FNBP1L: variants seen among roughly 807,000 people sequenced by gnomAD.
FNBP1L encodes formin binding protein 1 like.
FNBP1L carries 36 observed loss-of-function variants against 91.2 expected under a neutral mutation model. The ratio of observed to expected loss-of-function variants is 0.39; its 90% CI spans 0.30 to 0.52. The LOEUF (loss-of-function observed/expected upper bound fraction) is 0.52, where lower values mean the gene tolerates loss of function less well. FNBP1L is among the 20% of genes least tolerant of loss of function. FNBP1L has a pLI of 0.66. For missense variants in FNBP1L, 571 were observed against 732.1 expected, an observed-to-expected ratio of 0.78 and a Z score of 2.54; for synonymous variants, 242 against 237.0, an observed-to-expected ratio of 1.02 and a Z score of -0.19.
Position 93,551,002 on chromosome 1 carries a change from G to A in FNBP1L, c.1707G>A (p.Glu569=). The A allele has an allele frequency of 6.2e-7, 1 of 1,612,282 alleles. No homozygotes were observed. Among genetic ancestry groups the A allele is most frequent in the African/African-American group, 1.3e-5 (1 of 75,008 alleles). Residue 569 remains glutamate, a synonymous_variant, in exon 16 of 17, where the codon GAG becomes GAA. Coordinates refer to ENST00000271234, the MANE Select transcript of FNBP1L (RefSeq NM_001164473.3). Reference sequence around the variant, plus strand: ...AAGGTGAAGTTCTCTACATTATAGAGGAGGACAAAGGTGACGGATGGACAA... The same window carrying A: ...AAGGTGAAGTTCTCTACATTATAGAAGAGGACAAAGGTGACGGATGGACAA... The part of the protein sequence containing the change: ...MKEGEVLYII[E]EDKGDGWTRA...
chr1:93,534,204 A>G (rs191635879), intron 8 of FNBP1L, among the ~76,000 whole-genome samples: 171 of 152,240 alleles, frequency 1.1e-3, no homozygotes, highest in African/African-American at 3.9e-3. Flanking sequence ...TAATTTATTT[A>G]TCTTTTCCCA....
At chr1:93,455,851 C>T (rs180931540) in intron 1 of FNBP1L, among the ~76,000 whole-genome samples, 28 of 152,334 alleles carry the variant, frequency 1.8e-4, no homozygotes, top group East Asian at 1.9e-4. Flanking sequence ...CTGTGCCTTT[C>T]GGCATTTTCC....
At chr1:93,499,605 T>G (rs531049487) in intron 2 of FNBP1L, 22 bp downstream of exon 2, 1 of 1,389,180 alleles carries the variant, frequency 7.2e-7, no homozygotes, top group Non-Finnish European at 9.9e-7. Flanking sequence ...TTTTTTTCAG[T>G]TTTTAGAATG....
chr1:93,484,971 A>G (rs533957988), intron 1 of FNBP1L, among the ~76,000 whole-genome samples: 1 of 152,286 alleles, frequency 6.6e-6, no homozygotes, highest in South Asian at 2.1e-4. Flanking sequence ...TAGCCAACAT[A>G]GCAAGACACT....
rs560248737 is a variant in FNBP1L, at chr1:93,495,288, T to C, written c.25-4180T>C. On this transcript the variant is annotated intron_variant, in intron 1 of 16. Coordinates refer to ENST00000271234, the MANE Select transcript of FNBP1L (RefSeq NM_001164473.3). ...TCTAGATTGTTTCAATAATGAATAA[T>C]GTTTCAATAAAGTAGTTATATTTAA... Among the ~76,000 whole-genome samples the C allele has an allele frequency of 2.0e-5, 3 of 152,362 alleles. No individual in the cohort carries two copies. The East Asian group carries it at 5.8e-4, about 29-fold the overall frequency.
chr1:93,497,987 A>T (rs1452457610), intron 1 of FNBP1L, among the ~76,000 whole-genome samples: 2 of 151,938 alleles, frequency 1.3e-5, no homozygotes, highest in Non-Finnish European at 2.9e-5. Context: ...AAAACTGTTT[A>T]AAAATAATGT....
chr1:93,539,465 A>G (rs1321803896), intron 10 of FNBP1L, among the ~76,000 whole-genome samples: 1 of 151,992 alleles, frequency 6.6e-6, no homozygotes, highest in Non-Finnish European at 1.5e-5. Context: ...CCCAAATCTA[A>G]TTATCAAATT....
intron 2 of FNBP1L, among the ~76,000 whole-genome samples, chr1:93,514,532 A>G (rs1399025018): frequency 2.0e-5 from 3 of 152,318 alleles, no homozygotes; most frequent in Non-Finnish European, 2.9e-5. Context: ...ACAAGGCTAC[A>G]GTAACCAAAA....
At chr1:93,448,435 G>A (rs534123415) in intron 1 of FNBP1L, 130 bp downstream of exon 1, 1 of 1,019,404 alleles carries the variant, frequency 9.8e-7, no homozygotes, top group African/African-American at 1.7e-5. Context: ...GGAGGGTGAG[G>A]GTCCCGCTCG....
At chr1:93,457,353 G>A (rs947732407) in intron 1 of FNBP1L, among the ~76,000 whole-genome samples, 4 of 152,028 alleles carry the variant, frequency 2.6e-5, no homozygotes, top group East Asian at 1.9e-4. Flanking sequence ...TCATCCTTCC[G>A]TGGTTAGTTG....
chr1:93,495,489 G>A (rs572445396), intron 1 of FNBP1L, among the ~76,000 whole-genome samples: 3 of 152,098 alleles, frequency 2.0e-5, no homozygotes, highest in Admixed American at 2.0e-4. Context: ...ACTAAAGCAG[G>A]AAGTCCACAG....
chr1:93,522,573 G>GT (rs11419903), intron 3 of FNBP1L, among the ~76,000 whole-genome samples: 146,341 of 152,026 alleles, frequency 0.96, 70,656 homozygotes, highest in Non-Finnish European at 1. Context: ...TCACTTATGA[G>GT]TTTTTTTGTG....
At chr1:93,534,965 T>C (rs1285516126) in intron 9 of FNBP1L, 57 bp downstream of exon 9, 2 of 1,364,808 alleles carry the variant, frequency 1.5e-6, no homozygotes, top group Admixed American at 2.2e-5. Flanking sequence ...ACTAAAACAA[T>C]GTGGGTATTG....
intron 14 of FNBP1L, among the ~76,000 whole-genome samples, chr1:93,548,358 C>G (rs572603403): frequency 6.6e-6 from 1 of 152,012 alleles, no homozygotes; most frequent in Non-Finnish European, 1.5e-5. Flanking sequence ...TCATTTGATT[C>G]TTCAGCAAAA....
intron 1 of FNBP1L, among the ~76,000 whole-genome samples, chr1:93,483,628 GCTT>G (rs1284144843): frequency 1.3e-5 from 2 of 152,054 alleles, no homozygotes; most frequent in African/African-American, 4.8e-5. Flanking sequence ...GATCAGTGTT[GCTT>G]CTTCCAAAAT....
At chr1:93,468,583 A>G (rs535202777) in intron 1 of FNBP1L, among the ~76,000 whole-genome samples, 42 of 152,192 alleles carry the variant, frequency 2.8e-4, no homozygotes, top group African/African-American at 9.2e-4. Context: ...GGCACGTGCC[A>G]TGACGCCTGG....
chr1:93,529,921 CT>C (rs1459037351), intron 6 of FNBP1L, among the ~76,000 whole-genome samples, 165 bp downstream of exon 6: 1 of 152,084 alleles, frequency 6.6e-6, no homozygotes, highest in Non-Finnish European at 1.5e-5. Flanking sequence ...ACGTATTGGT[CT>C]GAGAAAGTAA....
At chr1:93,512,157 G>A (rs1424179196) in intron 2 of FNBP1L, among the ~76,000 whole-genome samples, 3 of 151,994 alleles carry the variant, frequency 2.0e-5, no homozygotes, top group Non-Finnish European at 2.9e-5. Context: ...AACCAACAAA[G>A]ATCAAAAGAG....
rs1347065748 is a variant in FNBP1L, at chr1:93,551,156, C to T, written c.1810+51C>T. 2.7e-6 allele frequency: 4 copies of T among 1,480,130 alleles called. No individual in the cohort carries two copies. In the African/African-American group the frequency reaches 4.2e-5, roughly 16 times the overall value. The allele number at this position is 1,480,130 out of a possible 1,614,324, so 91.7% of individuals were successfully genotyped here. On this transcript the variant is annotated intron_variant, in intron 16 of 16. Transcript: ENST00000271234. ...CCAGGCACCTTTGTGCCATGTGTGA[C>T]ATAGGAAGAGTAACATAAAATGAAA...
Sources: allele counts gnomAD v4.1 joint callset (sites outside exome capture counted in the v4.1 genomes callset), GRCh38; gene constraint gnomAD v4.1.1; transcripts MANE v1.5; gene names NCBI Gene and HGNC (gene_info 2026-07-23, HGNC 2026-07-21).